DCC: variants seen among roughly 807,000 people sequenced by gnomAD.
DCC encodes the protein netrin receptor DCC.
DCC carries 58 observed loss-of-function variants against 172.5 expected under a neutral mutation model. The ratio of observed to expected loss-of-function variants is 0.34; its 90% CI spans 0.27 to 0.42. DCC has a LOEUF of 0.42. DCC is among the 10% of genes least tolerant of loss of function. DCC has a pLI of 1.00. For synonymous variants in DCC, 709 were observed against 644.5 expected (o/e 1.10, Z -1.52); for missense variants, 1,740 against 1,791.0 (o/e 0.97, Z 0.51).
chr18:53,087,495 G>A (rs1238925385), intron 7 of DCC, among the ~76,000 whole-genome samples: 3 of 151,660 alleles, frequency 2.0e-5, no homozygotes, highest in Non-Finnish European at 2.9e-5. Flanking sequence ...GTAGATTCTG[G>A]ATATTAGCCC....
intron 1 of DCC, among the ~76,000 whole-genome samples, chr18:52,656,140 G>A (rs973808827): frequency 2.7e-5 from 4 of 149,832 alleles, no homozygotes; most frequent in Admixed American, 2.0e-4. Flanking sequence ...TATATAGTGT[G>A]TATTGATGCT....
chr18:52,472,167 T>G (rs1389435111), intron 1 of DCC, among the ~76,000 whole-genome samples: 2 of 152,212 alleles, frequency 1.3e-5, no homozygotes, highest in African/African-American at 4.8e-5. Flanking sequence ...CTCACAGGGC[T>G]CTTCCAGTCC....
At chr18:52,744,462 T>A (rs1423445572) in intron 1 of DCC, among the ~76,000 whole-genome samples, 1 of 152,252 alleles carries the variant, frequency 6.6e-6, no homozygotes, top group African/African-American at 2.4e-5. Context: ...CATAACTTAA[T>A]TCATTTCTGA....
At chr18:52,651,824 C>T (rs780107016) in intron 1 of DCC, among the ~76,000 whole-genome samples, 1 of 152,076 alleles carries the variant, frequency 6.6e-6, no homozygotes, top group Non-Finnish European at 1.5e-5. Context: ...TATATATAAA[C>T]ACCAGCTACC....
intron 2 of DCC, among the ~76,000 whole-genome samples, chr18:52,813,893 A>G (rs79899491): frequency 0.041 from 6,258 of 152,276 alleles, 224 homozygotes; most frequent in South Asian, 0.17. Context: ...TGAGGCTGCT[A>G]GCTTTCAAAT....
At chr18:53,237,141 A>G (rs1258067070) in intron 12 of DCC, 2 of 152,992 alleles carry the variant, frequency 1.3e-5, no homozygotes, top group Non-Finnish European at 1.5e-5. Flanking sequence ...TATGATCATT[A>G]TATGTATGAT....
intron 1 of DCC, among the ~76,000 whole-genome samples, chr18:52,506,450 C>G (rs2031234068): frequency 6.6e-6 from 1 of 151,860 alleles, no homozygotes; most frequent in African/African-American, 2.4e-5. Flanking sequence ...ACACAAACAC[C>G]GTTTAAAATG....
intron 1 of DCC, among the ~76,000 whole-genome samples, chr18:52,510,193 A>G (rs1811494125): frequency 6.6e-6 from 1 of 151,492 alleles, no homozygotes; most frequent in Non-Finnish European, 1.5e-5. Context: ...CATTCAGCTT[A>G]GCTTGTCTTG....
chr18:52,598,626 T>C (rs1247756268), intron 1 of DCC, among the ~76,000 whole-genome samples: 1 of 152,200 alleles, frequency 6.6e-6, no homozygotes, highest in Non-Finnish European at 1.5e-5. Context: ...TCAGGCTCTA[T>C]TCTTCTGCGG....
At chr18:52,597,680 G>A (rs1314398775) in intron 1 of DCC, among the ~76,000 whole-genome samples, 4 of 152,106 alleles carry the variant, frequency 2.6e-5, no homozygotes, top group Admixed American at 2.0e-4. Flanking sequence ...AGGAACCAGA[G>A]GAAACTGTGC....
intron 5 of DCC, among the ~76,000 whole-genome samples, chr18:53,048,489 T>TTGTGTG (rs71175550): frequency 2.0e-3 from 272 of 139,416 alleles, no homozygotes; most frequent in Middle Eastern, 7.3e-3. Context: ...ACTCCATGGT[T>TTGTGTG]TGTGTGTGTG....
At position 53,266,892 on chromosome 18, in the gene DCC, A is replaced by T. The variant is rs1177892362; in HGVS notation, c.1912-38686A>T. ...TGATTGCTGCATAATATTCTATTGT[A>T]TAGACATAACATTTCATTTATCCAT... On this transcript the variant is annotated intron_variant, in intron 12 of 28. Transcript: ENST00000442544. Among the ~76,000 whole-genome samples, 3 of 152,022 alleles carry T rather than the reference A, an allele frequency of 2.0e-5. No individual in the cohort carries two copies. The East Asian group carries it at 5.8e-4, about 29-fold the overall frequency.
At chr18:53,409,840 A>G (rs576736879) in intron 19 of DCC, among the ~76,000 whole-genome samples, 1 of 152,200 alleles carries the variant, frequency 6.6e-6, no homozygotes, top group Non-Finnish European at 1.5e-5. Context: ...GAGAAATAGT[A>G]TACTGGTAAA....
At chr18:52,862,514 A>T (rs1598877307) in intron 2 of DCC, among the ~76,000 whole-genome samples, 1 of 152,162 alleles carries the variant, frequency 6.6e-6, no homozygotes, top group South Asian at 2.1e-4. Context: ...ACCAGCCTGT[A>T]TGCTGAAACC....
intron 7 of DCC, among the ~76,000 whole-genome samples, chr18:53,075,232 C>T (rs980891557): frequency 2.0e-5 from 3 of 152,110 alleles, no homozygotes; most frequent in Admixed American, 6.6e-5. Flanking sequence ...ATTTGCAGCA[C>T]GGTTTGCAGT....
intron 1 of DCC, among the ~76,000 whole-genome samples, chr18:52,621,320 C>T (rs1229978761): frequency 2.0e-5 from 3 of 152,150 alleles, no homozygotes; most frequent in Non-Finnish European, 2.9e-5. Context: ...GAAATAACTG[C>T]ACTGGTGATG....
intron 2 of DCC, among the ~76,000 whole-genome samples, chr18:52,839,174 A>G (rs2038762938): frequency 6.6e-6 from 1 of 152,192 alleles, no homozygotes; most frequent in Non-Finnish European, 1.5e-5. Flanking sequence ...ATACAAATGA[A>G]TCAACCTATT....
rs1004027270 is a variant in DCC, at chr18:52,469,091, G to A, written c.91+128213G>A. Among the ~76,000 whole-genome samples, 12 of 151,538 alleles carry A rather than the reference G, an allele frequency of 7.9e-5. No homozygotes were observed. The East Asian group carries it at 9.7e-4, about 12-fold the overall frequency. On this transcript the variant is annotated intron_variant, in intron 1 of 28. Transcript: ENST00000442544. ...TATTTATTTAGAGACAGAGTCTTGC[G>A]CTGTCATCCAGGCTGGAGTGCAGTG...
At chr18:52,536,262 A>G (rs2144693158) in intron 1 of DCC, among the ~76,000 whole-genome samples, 1 of 152,236 alleles carries the variant, frequency 6.6e-6, no homozygotes, top group African/African-American at 2.4e-5. Flanking sequence ...AAGTGAATAG[A>G]CCAACTTGGC....
Sources: allele counts gnomAD v4.1 joint callset (sites outside exome capture counted in the v4.1 genomes callset), GRCh38; gene constraint gnomAD v4.1.1; transcripts MANE v1.5; gene names NCBI Gene and HGNC (gene_info 2026-07-23, HGNC 2026-07-21).